Variants in FKTN observed in about 807,000 individuals in gnomAD.
FKTN encodes the protein fukutin.
A neutral mutation model predicts 58.6 loss-of-function variants in FKTN; 47 were observed. That is an observed-to-expected ratio of 0.80 (90% confidence interval 0.63 to 1.02). The LOEUF (loss-of-function observed/expected upper bound fraction) is 1.02. Among genes scored for constraint, FKTN ranks in the 50% least tolerant of loss-of-function variants. FKTN has a pLI of 0.00. For synonymous variants in FKTN, 178 were observed against 191.9 expected (o/e 0.93, Z 0.60); for missense variants, 516 against 537.3 (o/e 0.96, Z 0.39).
Position 105,638,612 on chromosome 9 carries a change from T to G in FKTN, c.*3348T>G. On this transcript the variant is annotated 3_prime_UTR_variant, in exon 11 of 11. Coordinates refer to ENST00000357998, the MANE Select transcript of FKTN (RefSeq NM_001079802.2). ...GAGGCTCTTTCCTTCCTAAGGGACCTTTCCCTGGTAGTAGTGGTCTCATTC... is the reference window on the plus strand; with the variant it reads ...GAGGCTCTTTCCTTCCTAAGGGACCGTTCCCTGGTAGTAGTGGTCTCATTC... 2.0e-6 allele frequency: 2 copies of G among 985,248 alleles called. No individual in the cohort carries two copies. The highest frequency in any genetic ancestry group is 2.4e-6 in the Non-Finnish European group (2 of 829,792). The allele number at this position is 985,248 out of a possible 1,614,324, so 61.0% of individuals were successfully genotyped here.
intron 10 of FKTN, among the ~76,000 whole-genome samples, chr9:105,620,775 ATAGTAGTAGTAGTAGTAG>A (rs58977246): frequency 6.2e-5 from 9 of 145,394 alleles, no homozygotes; most frequent in East Asian, 6.1e-4. Flanking sequence ...TAATACTACT[ATAGTAGTAGTAGTAGTAG>A]TAGTAGTAGT....
intron 1 of FKTN, among the ~76,000 whole-genome samples, chr9:105,566,617 G>A (rs539129316): frequency 6.6e-6 from 1 of 152,118 alleles, no homozygotes; most frequent in Non-Finnish European, 1.5e-5. Context: ...TCTCTGAATA[G>A]ACCAATAACA....
intron 10 of FKTN, among the ~76,000 whole-genome samples, chr9:105,622,047 T>G (rs1269211354): frequency 2.0e-5 from 3 of 152,098 alleles, no homozygotes; most frequent in Non-Finnish European, 4.4e-5. Flanking sequence ...CCACATGGTT[T>G]GAGAATATGG....
intron 10 of FKTN, among the ~76,000 whole-genome samples, chr9:105,634,745 GC>G (rs533445537): frequency 1.3e-5 from 2 of 152,166 alleles, no homozygotes; most frequent in Non-Finnish European, 2.9e-5. Context: ...CCAACAGAAA[GC>G]CCAAGGCTGA....
At position 105,638,915 on chromosome 9, in the gene FKTN, G is replaced by C. The variant is rs1834241668; in HGVS notation, c.*3651G>C. The C allele has an allele frequency of 1.0e-6, 1 of 985,236 alleles. No homozygotes were observed. The highest frequency in any genetic ancestry group is 1.2e-6 in the Non-Finnish European group (1 of 829,856). 61.0% of individuals were successfully genotyped at this position (985,236 alleles called of 1,614,324 possible). Reference sequence around the variant, plus strand: ...GGCAGGATATTACATAGGTAAGCAGGAATTTATACATTGGGTACCAGAGCT... The same window carrying C: ...GGCAGGATATTACATAGGTAAGCAGCAATTTATACATTGGGTACCAGAGCT... On this transcript the variant is annotated 3_prime_UTR_variant, in exon 11 of 11. Transcript: ENST00000357998.
In FKTN at chr9:105,636,162, A is replaced by G; in HGVS notation, c.*898A>G. ...TTCATGTACATTTTATATTTTCTGAATTTATAATCTGTGCACTCCCAATTT... is the reference window on the plus strand; with the variant it reads ...TTCATGTACATTTTATATTTTCTGAGTTTATAATCTGTGCACTCCCAATTT... On this transcript the variant is annotated 3_prime_UTR_variant, in exon 11 of 11. Transcript: ENST00000357998. 1 of 934,778 alleles carries G rather than the reference A, an allele frequency of 1.1e-6. No homozygotes were observed. The highest frequency in any genetic ancestry group is 1.3e-6 in the Non-Finnish European group (1 of 783,982). 57.9% of individuals were successfully genotyped at this position (934,778 alleles called of 1,614,324 possible).
chr9:105,579,789 G>T (rs1370265327), intron 3 of FKTN, among the ~76,000 whole-genome samples: 2 of 150,060 alleles, frequency 1.3e-5, no homozygotes, highest in Non-Finnish European at 3.0e-5. Context: ...CATTATTAAT[G>T]TGTGGGAGTC....
chr9:105,603,253 C>T (rs1828221225), intron 5 of FKTN, among the ~76,000 whole-genome samples: 1 of 152,120 alleles, frequency 6.6e-6, no homozygotes, highest in Non-Finnish European at 1.5e-5. Flanking sequence ...TTCTTTTATT[C>T]TATTCAGTAG....
chr9:105,583,051 T>C (rs1057009090), intron 3 of FKTN, among the ~76,000 whole-genome samples: 2 of 152,196 alleles, frequency 1.3e-5, no homozygotes, highest in Non-Finnish European at 2.9e-5. Flanking sequence ...GATTCCCAAA[T>C]ATAAGAGAAT....
At chr9:105,559,512 A>G (rs1051062019) in intron 1 of FKTN, among the ~76,000 whole-genome samples, 3 of 152,026 alleles carry the variant, frequency 2.0e-5, no homozygotes, top group South Asian at 2.1e-4. Context: ...GTGAAACCCT[A>G]TCTCTACTAA....
At chr9:105,634,257 G>A (rs767679969) in intron 10 of FKTN, among the ~76,000 whole-genome samples, 7 of 151,848 alleles carry the variant, frequency 4.6e-5, no homozygotes, top group Middle Eastern at 3.2e-3. Context: ...TCAGCCTCCT[G>A]AGTAGCTGGG....
At chr9:105,572,964 G>A (rs868699160) in intron 1 of FKTN, among the ~76,000 whole-genome samples, 1 of 152,154 alleles carries the variant, frequency 6.6e-6, no homozygotes, top group Admixed American at 6.5e-5. Flanking sequence ...ACTGGGTGCC[G>A]TGGCTCATGC....
rs549540343 is a variant in FKTN at position 105,559,859 on chromosome 9, G to A, written c.-181+1694G>A. Among the ~76,000 whole-genome samples, 3 of 152,242 alleles carry A rather than the reference G, an allele frequency of 2.0e-5. No individual in the cohort carries two copies. The East Asian group carries it at 5.8e-4, about 29-fold the overall frequency. On this transcript the variant is annotated intron_variant, in intron 1 of 10. Transcript: ENST00000357998. ...TGGTTTCAGGGAGAGATTGTAGAGA[G>A]AGTAACTATAGGCCATACCCACAGA...
chr9:105,635,027 C>G, intron 10 of FKTN, 24 bp from the exon 11 acceptor site: 4 of 1,606,486 alleles, frequency 2.5e-6, no homozygotes, highest in Non-Finnish European at 3.4e-6. Flanking sequence ...ACTGTTGAAG[C>G]CTAATCCCTC....
intron 7 of FKTN, 101 bp downstream of exon 7, chr9:105,608,052 A>C: frequency 1.1e-6 from 1 of 945,782 alleles, no homozygotes; most frequent in South Asian, 1.4e-5. Context: ...GAAAATAGAA[A>C]AGTAAACATC....
rs140017877 is a variant in FKTN at position 105,558,874 on chromosome 9, C to T, written c.-181+709C>T. 3.5e-3 allele frequency among the ~76,000 whole-genome samples: 530 copies of T among 152,182 alleles called. 5 individuals are homozygous for T. Among genetic ancestry groups the T allele is most frequent in the African/African-American group, 0.012 (498 of 41,498 alleles). On this transcript the variant is annotated intron_variant, in intron 1 of 10. Coordinates refer to ENST00000357998, the MANE Select transcript of FKTN (RefSeq NM_001079802.2). ...TCTGTTGGGCCATGGACAAAGATATCAAATGCAGGAATAAGCATTTATATT... is the reference window on the plus strand; with the variant it reads ...TCTGTTGGGCCATGGACAAAGATATTAAATGCAGGAATAAGCATTTATATT...
intron 3 of FKTN, among the ~76,000 whole-genome samples, chr9:105,589,106 C>T (rs1212771965): frequency 6.6e-6 from 1 of 152,118 alleles, no homozygotes; most frequent in African/African-American, 2.4e-5. Flanking sequence ...ACTTCAGGGC[C>T]CCTCACTTGC....
intron 3 of FKTN, among the ~76,000 whole-genome samples, chr9:105,591,868 T>G (rs1234455111): frequency 6.6e-6 from 1 of 152,220 alleles, no homozygotes; most frequent in Non-Finnish European, 1.5e-5. Context: ...AGGCAGAGGC[T>G]CTTAAGCCTC....
At chr9:105,629,021 C>T (rs762135550) in intron 10 of FKTN, among the ~76,000 whole-genome samples, 53 of 152,038 alleles carry the variant, frequency 3.5e-4, no homozygotes, top group Non-Finnish European at 6.5e-4. Flanking sequence ...TATCAAAACT[C>T]ATCACTTAAG....
Sources: allele counts gnomAD v4.1 joint callset (sites outside exome capture counted in the v4.1 genomes callset), GRCh38; gene constraint gnomAD v4.1.1; transcripts MANE v1.5; gene names NCBI Gene and HGNC (gene_info 2026-07-23, HGNC 2026-07-21).